ADK: variants seen among roughly 807,000 people sequenced by gnomAD.
The protein encoded by ADK is N6,N6-dimethyladenosine kinase.
ADK carries 24 observed loss-of-function variants against 44.7 expected under a neutral mutation model. That is an observed-to-expected ratio of 0.54 (90% CI 0.39 to 0.76). ADK has a LOEUF of 0.76. ADK is among the 30% of genes least tolerant of loss of function. The pLI is 0.00. For missense variants in ADK, 321 were observed against 425.1 expected (o/e 0.76, Z 2.15); for synonymous variants, 128 against 142.6 (o/e 0.90, Z 0.73).
intron 9 of ADK, among the ~76,000 whole-genome samples, chr10:74,617,681 C>T (rs988090565): frequency 6.6e-6 from 1 of 152,048 alleles, no homozygotes; most frequent in Admixed American, 6.6e-5. Flanking sequence ...CTGCAGCCTC[C>T]ACCTCCTGGG....
chr10:74,323,308 A>G (rs372329014), intron 4 of ADK, among the ~76,000 whole-genome samples: 1 of 152,208 alleles, frequency 6.6e-6, no homozygotes, highest in African/African-American at 2.4e-5. Flanking sequence ...GTTGACAAGG[A>G]TGGTCTTTGC....
chr10:74,585,962 C>A (rs1487922805), intron 7 of ADK, among the ~76,000 whole-genome samples: 5 of 152,248 alleles, frequency 3.3e-5, no homozygotes, highest in Non-Finnish European at 7.3e-5. Context: ...TCTTGCTCTT[C>A]TGCCCACCAA....
chr10:74,425,543 C>T (rs921493988), intron 6 of ADK, among the ~76,000 whole-genome samples: 1 of 152,042 alleles, frequency 6.6e-6, no homozygotes, highest in African/African-American at 2.4e-5. Context: ...TAATTTCTCA[C>T]ATTTTTCTAT....
At chr10:74,539,672 C>A (rs987959311) in intron 7 of ADK, among the ~76,000 whole-genome samples, 1 of 151,844 alleles carries the variant, frequency 6.6e-6, no homozygotes, top group Non-Finnish European at 1.5e-5. Context: ...GAAACTTTAT[C>A]GGAGGATATA....
chr10:74,166,471 C>T (rs1473245692), intron 1 of ADK, among the ~76,000 whole-genome samples: 1 of 152,088 alleles, frequency 6.6e-6, no homozygotes, highest in East Asian at 1.9e-4. Flanking sequence ...AGGCTTGTGC[C>T]ACCACGCCCA....
At chr10:74,287,065 G>GA (rs1468750553) in intron 3 of ADK, among the ~76,000 whole-genome samples, 1 of 152,114 alleles carries the variant, frequency 6.6e-6, no homozygotes, top group Non-Finnish European at 1.5e-5. Flanking sequence ...AGTAGGAATT[G>GA]AAAAGATGAG....
chr10:74,302,101 GTTTGTTTGTTTTTTTTTTTTTTTTTTTT>G lies in ADK; in HGVS notation c.195-12562_195-12535del, dbSNP rs1840064363. Among the ~76,000 whole-genome samples, 4 of 11,708 alleles carry G rather than the reference GTTTGTTTGTTTTTTTTTTTTTTTTTTTT, an allele frequency of 3.4e-4. 1 individual carries two copies. The highest frequency in any genetic ancestry group is 1.1e-3 in the African/African-American group (4 of 3,544). The allele number at this position is 11,708 out of a possible 152,430, so 7.7% of individuals were successfully genotyped here. A position where few individuals can be genotyped will look rare whatever the true frequency, so the allele number is the denominator to read the frequency against. ...TTCTTTTCTTTTCTGTTTTTTTTTT[GTTTGTTTGTTTTTTTTTTTTTTTTTTTT>G]TTTTTTTTTTTTTTTTTGAGATGGA... On this transcript the variant is annotated intron_variant, in intron 3 of 10. Coordinates refer to ENST00000539909, the MANE Select transcript of ADK (RefSeq NM_006721.4).
intron 7 of ADK, among the ~76,000 whole-genome samples, chr10:74,574,387 T>A (rs1851103558): frequency 6.6e-6 from 1 of 152,146 alleles, no homozygotes. Flanking sequence ...GCCAGGATGG[T>A]CTCGCTCTCT....
chr10:74,690,292 T>C (rs1855942240), intron 10 of ADK, among the ~76,000 whole-genome samples: 1 of 152,208 alleles, frequency 6.6e-6, no homozygotes, highest in Non-Finnish European at 1.5e-5. Context: ...CTCAGGAGTT[T>C]GTTACCAGCC....
At chr10:74,172,546 G>A (rs1336513470) in intron 1 of ADK, among the ~76,000 whole-genome samples, 1 of 151,922 alleles carries the variant, frequency 6.6e-6, no homozygotes, top group Non-Finnish European at 1.5e-5. Flanking sequence ...AAAATCAGCC[G>A]GGTATGGTGG....
Position 74,151,235 on chromosome 10 carries a change from G to A in ADK, c.-44G>A. On this transcript the variant is annotated 5_prime_UTR_variant, in exon 1 of 11. An upstream start codon of the reference 5' UTR is lost. Transcript: ENST00000539909. ...GAGGGGGCGGGACCAGAGAGTGGATGGCAGAGGTGGGCTGTAGAGCCAAAG... is the reference window on the plus strand; with the variant it reads ...GAGGGGGCGGGACCAGAGAGTGGATAGCAGAGGTGGGCTGTAGAGCCAAAG... 1 of 1,547,232 alleles carries A rather than the reference G, an allele frequency of 6.5e-7. No homozygotes were observed. Among genetic ancestry groups the A allele is most frequent in the Non-Finnish European group, 8.7e-7 (1 of 1,144,700 alleles).
chr10:74,226,381 A>G (rs1844542207), intron 3 of ADK, among the ~76,000 whole-genome samples: 1 of 152,166 alleles, frequency 6.6e-6, no homozygotes, highest in Non-Finnish European at 1.5e-5. Context: ...TGCTGGGATT[A>G]TCACAGGCTT....
At chr10:74,222,457 T>C (rs1844349406) in intron 2 of ADK, among the ~76,000 whole-genome samples, 1 of 151,726 alleles carries the variant, frequency 6.6e-6, no homozygotes, top group Non-Finnish European at 1.5e-5. Context: ...GTGTGGCGAT[T>C]CCTCAGGGAT....
intron 6 of ADK, among the ~76,000 whole-genome samples, chr10:74,441,451 A>G (rs985674783): frequency 2.0e-5 from 3 of 152,256 alleles, no homozygotes; most frequent in Non-Finnish European, 4.4e-5. Flanking sequence ...ATGAATGTTT[A>G]TGGCAGCATT....
At chr10:74,195,707 C>CTTTTTTTTTTTTTTT (rs71475265) in intron 1 of ADK, among the ~76,000 whole-genome samples, 34 of 97,508 alleles carry the variant, frequency 3.5e-4, no homozygotes, top group East Asian at 8.9e-4. Flanking sequence ...TCTTTTCTTT[C>CTTTTTTTTTTTTTTT]TTTTTTTTTT....
chr10:74,333,807 A>G (rs1841314447), intron 4 of ADK, among the ~76,000 whole-genome samples: 1 of 152,162 alleles, frequency 6.6e-6, no homozygotes, highest in South Asian at 2.1e-4. Flanking sequence ...ATTAACCTCA[A>G]ATGAATACTG....
intron 7 of ADK, among the ~76,000 whole-genome samples, chr10:74,551,995 G>A (rs1850049504): frequency 7.1e-6 from 1 of 140,856 alleles, no homozygotes; most frequent in African/African-American, 3.0e-5. Context: ...GTAAATAGTT[G>A]CTATACCATG....
intron 6 of ADK, among the ~76,000 whole-genome samples, chr10:74,449,057 G>A (rs1187095247): frequency 6.6e-6 from 1 of 152,108 alleles, no homozygotes; most frequent in East Asian, 1.9e-4. Context: ...CGATTTTGAG[G>A]AATTGGCCTA....
intron 6 of ADK, among the ~76,000 whole-genome samples, chr10:74,514,348 T>C (rs758273620): frequency 2.0e-5 from 3 of 152,204 alleles, no homozygotes; most frequent in Non-Finnish European, 4.4e-5. Context: ...GTCTTTCTGT[T>C]ATTATTTCAT....
Sources: allele counts gnomAD v4.1 joint callset (sites outside exome capture counted in the v4.1 genomes callset), GRCh38; gene constraint gnomAD v4.1.1; transcripts MANE v1.5; gene names NCBI Gene and HGNC (gene_info 2026-07-23, HGNC 2026-07-21).